PCDH7: variants seen among roughly 807,000 people sequenced by gnomAD.
PCDH7 encodes the protein protocadherin 7.
A neutral mutation model predicts 58.9 loss-of-function variants in PCDH7; 17 were observed. The ratio of observed to expected loss-of-function variants is 0.29; its 90% CI spans 0.20 to 0.43. The LOEUF is 0.43. PCDH7 is among the 20% of genes least tolerant of loss of function. PCDH7 has a pLI of 1.00. For synonymous variants in PCDH7, 664 were observed against 616.4 expected, an observed-to-expected ratio of 1.08 and a Z score of -1.14; for missense variants, 1,274 against 1,441.0, an observed-to-expected ratio of 0.88 and a Z score of 1.88.
chr4:30,764,649 G>C (rs964776540), intron 1 of PCDH7, among the ~76,000 whole-genome samples: 1 of 152,136 alleles, frequency 6.6e-6, no homozygotes, highest in South Asian at 2.1e-4. Context: ...TGGTATATGA[G>C]ATGAAGACCT....
At chr4:30,730,897 T>G in exon 2 of PCDH7, 1 of 1,408,524 alleles carries the variant, frequency 7.1e-7, no homozygotes, top group Non-Finnish European at 9.3e-7. Flanking sequence ...AATCACTGCT[T>G]GTTCCACTTG....
intron 3 of PCDH7, among the ~76,000 whole-genome samples, chr4:31,105,497 G>T (rs1267279826): frequency 2.6e-5 from 4 of 152,036 alleles, no homozygotes; most frequent in African/African-American, 7.2e-5. Context: ...CATTATTAGG[G>T]CTCTATACCC....
intron 1 of PCDH7, among the ~76,000 whole-genome samples, chr4:30,773,019 A>G (rs940337674): frequency 2.0e-5 from 3 of 152,096 alleles, no homozygotes; most frequent in Non-Finnish European, 2.9e-5. Flanking sequence ...CTCACACCTC[A>G]ATCTTCCAAG....
At chr4:31,055,840 G>C (rs1757122904) in intron 3 of PCDH7, among the ~76,000 whole-genome samples, 1 of 151,956 alleles carries the variant, frequency 6.6e-6, no homozygotes, top group Admixed American at 6.6e-5. Context: ...GCCTCCCAAA[G>C]TGCTAGGATT....
intron 1 of PCDH7, among the ~76,000 whole-genome samples, chr4:30,890,878 A>G (rs1738521017): frequency 6.6e-6 from 1 of 152,156 alleles, no homozygotes; most frequent in African/African-American, 2.4e-5. Context: ...TAAGATAGGG[A>G]ATGTGTCCTT....
chr4:30,746,652 G>T (rs1309582459), intron 1 of PCDH7, among the ~76,000 whole-genome samples: 1 of 152,110 alleles, frequency 6.6e-6, no homozygotes, highest in East Asian at 1.9e-4. Context: ...TGCATTGGTT[G>T]GCATAGCCTA....
At chr4:30,780,066 G>A (rs114191964) in intron 1 of PCDH7, among the ~76,000 whole-genome samples, 254 of 152,282 alleles carry the variant, frequency 1.7e-3, no homozygotes, top group Non-Finnish European at 2.9e-3. Context: ...GAATGGAAAT[G>A]AATTAACTCT....
intron 1 of PCDH7, among the ~76,000 whole-genome samples, chr4:30,743,859 G>A (rs2166716): frequency 0.85 from 129,384 of 152,168 alleles, 55,254 homozygotes; most frequent in African/African-American, 0.88. Context: ...GAATATTGGC[G>A]TTTTTGAAAG....
At chr4:31,085,853 C>CTTTTT (rs10650645) in intron 3 of PCDH7, among the ~76,000 whole-genome samples, 4 of 138,950 alleles carry the variant, frequency 2.9e-5, no homozygotes, top group African/African-American at 8.0e-5. Context: ...CTCTCTCTCT[C>CTTTTT]TTTTTTTTTT....
intron 1 of PCDH7, among the ~76,000 whole-genome samples, chr4:30,837,485 T>C (rs769092828): frequency 2.7e-5 from 4 of 148,738 alleles, no homozygotes; most frequent in Non-Finnish European, 5.9e-5. Flanking sequence ...AAAAATGGCA[T>C]ACTGTGACAC....
chr4:30,784,647 C>A (rs1254539871), intron 1 of PCDH7, among the ~76,000 whole-genome samples: 1 of 151,904 alleles, frequency 6.6e-6, no homozygotes, highest in Non-Finnish European at 1.5e-5. Flanking sequence ...CCTATCTATT[C>A]ATTTATTAAA....
intron 1 of PCDH7, among the ~76,000 whole-genome samples, chr4:30,818,197 C>A (rs756424196): frequency 1.2e-4 from 19 of 152,062 alleles, no homozygotes; most frequent in Non-Finnish European, 2.8e-4. Context: ...CCTTCTATAC[C>A]CCAAACCCGA....
intron 3 of PCDH7, among the ~76,000 whole-genome samples, chr4:31,032,605 C>CAAA (rs528974781): frequency 1.2e-5 from 1 of 86,886 alleles, no homozygotes; most frequent in Non-Finnish European, 2.3e-5. Flanking sequence ...CAGATTCTGT[C>CAAA]AAAAAAAAAA....
At chr4:30,963,977 A>T (rs957697730) in intron 3 of PCDH7, among the ~76,000 whole-genome samples, 1 of 152,176 alleles carries the variant, frequency 6.6e-6, no homozygotes, top group Non-Finnish European at 1.5e-5. Context: ...TCTATTTCAA[A>T]CACATATGTC....
chr4:30,901,131 T>C (rs1337507341), intron 1 of PCDH7, among the ~76,000 whole-genome samples: 2 of 152,166 alleles, frequency 1.3e-5, no homozygotes, highest in Non-Finnish European at 2.9e-5. Flanking sequence ...CACCCAGCCA[T>C]TTTCACAGAG....
chr4:30,867,670 C>G lies in PCDH7; in HGVS notation c.71-52483C>G, dbSNP rs569544654. On this transcript the variant is annotated intron_variant, in intron 1 of 3. Coordinates refer to the PCDH7 transcript ENST00000509759. ...AGCCCACAGAAGGTTTGGTGATTCA[C>G]TGGTGCCGCCACTTCCTTGCGAGAA... Among the ~76,000 whole-genome samples the G allele has an allele frequency of 6.6e-5, 10 of 152,160 alleles. No individual in the cohort carries two copies. In the South Asian group the frequency reaches 1.9e-3, roughly 28 times the overall value.
At chr4:31,033,187 ATGTACGTT>A (rs35257547) in intron 3 of PCDH7, among the ~76,000 whole-genome samples, 4,015 of 152,292 alleles carry the variant, frequency 0.026, 174 homozygotes, top group African/African-American at 0.091. Context: ...GCCAATAGAA[ATGTACGTT>A]TGTTAGGTCC....
intron 3 of PCDH7, among the ~76,000 whole-genome samples, chr4:31,122,670 C>T (rs1352245099): frequency 2.0e-5 from 3 of 151,640 alleles, no homozygotes; most frequent in South Asian, 4.2e-4. Flanking sequence ...GAGATGATAG[C>T]GTGTTGAAGA....
intron 3 of PCDH7, among the ~76,000 whole-genome samples, chr4:31,065,604 T>C (rs942148743): frequency 6.6e-6 from 1 of 151,992 alleles, no homozygotes; most frequent in Non-Finnish European, 1.5e-5. Flanking sequence ...AAATCATGCA[T>C]ATAATAGACA....
Sources: allele counts gnomAD v4.1 joint callset (sites outside exome capture counted in the v4.1 genomes callset), GRCh38; gene constraint gnomAD v4.1.1; transcripts MANE v1.5; gene names NCBI Gene and HGNC (gene_info 2026-07-23, HGNC 2026-07-21).